The following DUSP19 variants were observed in gnomAD, a reference collection of about 807,000 sequenced individuals.
DUSP19 encodes dual specificity phosphatase 19, also known as dual specificity protein phosphatase 19.
DUSP19 carries 14 observed loss-of-function variants against 16.6 expected under a neutral mutation model. The observed-to-expected ratio is 0.84, with a 90% CI of 0.56 to 1.32. DUSP19 has a LOEUF of 1.32. Ranked by LOEUF, DUSP19 falls within the 40% of genes most tolerant of loss-of-function variation. The pLI is 0.00. For synonymous variants in DUSP19, 81 were observed against 90.5 expected (o/e 0.90, Z 0.59); for missense variants, 258 against 255.9 (o/e 1.01, Z -0.06).
At chr2:183,091,951 A>T (rs1699737040) in intron 3 of DUSP19, among the ~76,000 whole-genome samples, 1 of 152,192 alleles carries the variant, frequency 6.6e-6, no homozygotes, top group Non-Finnish European at 1.5e-5. Flanking sequence ...TCATATTTAC[A>T]TTCCCCTCTA....
intron 1 of DUSP19, among the ~76,000 whole-genome samples, chr2:183,081,383 T>C (rs1699590374): frequency 6.6e-6 from 1 of 152,178 alleles, no homozygotes; most frequent in Admixed American, 6.5e-5. Flanking sequence ...TAGCTGGGAA[T>C]ACAGGTGCAC....
chr2:183,079,027 A>G lies in DUSP19; in HGVS notation c.94A>G (p.Ile32Val). 3 of 1,614,220 alleles carry G rather than the reference A, an allele frequency of 1.9e-6. No homozygotes were observed. Among genetic ancestry groups the G allele is most frequent in the Non-Finnish European group, 1.7e-6 (2 of 1,180,048 alleles). ...GACAACGCTAACTGGAAAGAAAATT[A>G]TAGAAACATGGAAAGATGCCAGAAT... ...RVTTLTGKKIIETWKDARIHV... is the reference protein window; with the variant it reads ...RVTTLTGKKIVETWKDARIHV... The change falls in exon 1 of 4, where the codon ATA becomes GTA. Residue 32 changes from isoleucine to valine, a missense_variant. Transcript: ENST00000354221.
intron 3 of DUSP19, among the ~76,000 whole-genome samples, chr2:183,089,177 C>T (rs1383445079): frequency 6.6e-6 from 1 of 152,048 alleles, no homozygotes; most frequent in Non-Finnish European, 1.5e-5. Flanking sequence ...GTGAGAGTGG[C>T]AAGAAAGGAA....
At chr2:183,081,974 G>A (rs1456466176) in intron 1 of DUSP19, among the ~76,000 whole-genome samples, 2 of 152,042 alleles carry the variant, frequency 1.3e-5, no homozygotes, top group Non-Finnish European at 1.5e-5. Context: ...ACTTTATTTT[G>A]ACTAGTTATT....
rs1237372730 is a variant in DUSP19, at chr2:183,097,044, G to A, written c.*1386G>A. The A allele has an allele frequency of 4.7e-5, 6 of 126,320 alleles. No homozygotes were observed. Among genetic ancestry groups the A allele is most frequent in the African/African-American group, 1.5e-4 (5 of 32,992 alleles). 7.8% of individuals were successfully genotyped at this position (126,320 alleles called of 1,614,324 possible). A position where few individuals can be genotyped will look rare whatever the true frequency, so the allele number is the denominator to read the frequency against. On this transcript the variant is annotated 3_prime_UTR_variant, in exon 4 of 4. Coordinates refer to ENST00000354221, the MANE Select transcript of DUSP19 (RefSeq NM_080876.4). Reference sequence around the variant, plus strand: ...TTTTCTTTTCTTTTTTTTTTTTTTCGAGACAGGGTCTTGCTCTGTCACCTA... The same window carrying A: ...TTTTCTTTTCTTTTTTTTTTTTTTCAAGACAGGGTCTTGCTCTGTCACCTA...
chr2:183,098,279 G>T lies in DUSP19; in HGVS notation c.*2621G>T, dbSNP rs1699830267. The T allele has an allele frequency of 6.6e-6, 1 of 152,028 alleles. No homozygotes were observed. The highest frequency in any genetic ancestry group is 2.4e-5 in the African/African-American group (1 of 41,360). 9.4% of individuals were successfully genotyped at this position (152,028 alleles called of 1,614,324 possible). On this transcript the variant is annotated 3_prime_UTR_variant, in exon 4 of 4. Coordinates refer to ENST00000354221, the MANE Select transcript of DUSP19 (RefSeq NM_080876.4). ...GGTAAGATTCAAACATTTATCTTTT[G>T]TATCTTCTACAGAAGTGCTTTGAGC...
intron 3 of DUSP19, among the ~76,000 whole-genome samples, chr2:183,088,813 G>T (rs1467313849): frequency 6.6e-6 from 1 of 152,176 alleles, no homozygotes; most frequent in Non-Finnish European, 1.5e-5. Flanking sequence ...ACATTCCAGT[G>T]TGTGAGTTAA....
intron 1 of DUSP19, among the ~76,000 whole-genome samples, chr2:183,080,718 G>C (rs1177345277): frequency 2.6e-5 from 4 of 152,128 alleles, no homozygotes; most frequent in Non-Finnish European, 5.9e-5. Flanking sequence ...CTGAGATTGG[G>C]GTTGGAAACC....
At position 183,091,099 on chromosome 2, in the gene DUSP19, G is replaced by A. The variant is rs75182932; in HGVS notation, c.426+3907G>A. 2.4e-3 allele frequency among the ~76,000 whole-genome samples: 369 copies of A among 152,244 alleles called. 3 individuals carry two copies. The highest frequency in any genetic ancestry group is 8.5e-3 in the African/African-American group (353 of 41,536). On this transcript the variant is annotated intron_variant, in intron 3 of 3. Coordinates refer to ENST00000354221, the MANE Select transcript of DUSP19 (RefSeq NM_080876.4). ...TCAAATCATTTAAAATTTTTGCACAGTATTCTGGTAGTTGGTGATTCTATA... is the reference window on the plus strand; with the variant it reads ...TCAAATCATTTAAAATTTTTGCACAATATTCTGGTAGTTGGTGATTCTATA...
Position 183,096,199 on chromosome 2 carries a change from C to T in DUSP19, c.*541C>T, listed in dbSNP as rs1415915164. 6.6e-6 allele frequency: 1 copy of T among 151,042 alleles called. No individual in the cohort carries two copies. Among genetic ancestry groups the T allele is most frequent in the Non-Finnish European group, 1.5e-5 (1 of 67,802 alleles). 9.4% of individuals were successfully genotyped at this position (151,042 alleles called of 1,614,324 possible). On this transcript the variant is annotated 3_prime_UTR_variant, in exon 4 of 4. Coordinates refer to ENST00000354221, the MANE Select transcript of DUSP19 (RefSeq NM_080876.4). ...ACAATATTCACAAAATTCTTATGTT[C>T]TCTTATGAAAAATATACACTTTTCA...
intron 1 of DUSP19, 57 bp from the exon 2 acceptor site, chr2:183,083,451 A>G: frequency 3.4e-6 from 5 of 1,467,656 alleles, no homozygotes; most frequent in Middle Eastern, 1.8e-4. Flanking sequence ...AGAAATTTAT[A>G]TAAAAGTTCA....
At chr2:183,092,637 T>A (rs1699746950) in intron 3 of DUSP19, among the ~76,000 whole-genome samples, 1 of 152,004 alleles carries the variant, frequency 6.6e-6, no homozygotes, top group South Asian at 2.1e-4. Context: ...ATACAGACTA[T>A]CATTGATTGG....
chr2:183,082,484 CACG>C (rs1438063259), intron 1 of DUSP19, among the ~76,000 whole-genome samples: 2 of 133,538 alleles, frequency 1.5e-5, no homozygotes, highest in Non-Finnish European at 3.0e-5. Flanking sequence ...AGTGCAGTGG[CACG>C]ATCTTGGCTC....
intron 3 of DUSP19, among the ~76,000 whole-genome samples, chr2:183,091,657 C>T (rs1329705584): frequency 1.3e-5 from 2 of 152,206 alleles, no homozygotes; most frequent in African/African-American, 4.8e-5. Flanking sequence ...GGTGAAGTTA[C>T]AAAGTTATAC....
chr2:183,079,187 A>C, intron 1 of DUSP19, 28 bp downstream of exon 1: 1 of 1,594,300 alleles, frequency 6.3e-7, no homozygotes, highest in Non-Finnish European at 8.6e-7. Flanking sequence ...CCACTAGATC[A>C]TTGAGTCCTT....
In DUSP19 at chr2:183,090,016, C is replaced by CAT. The variant is rs752062667; in HGVS notation, c.426+2825_426+2826insTA. ...CTCAAATGCCTGACGTCAAGTGATC[C>CAT]ACCTGCCTCAGCCTCCCAAAGTGCT... On this transcript the variant is annotated intron_variant, in intron 3 of 3. Coordinates refer to ENST00000354221, the MANE Select transcript of DUSP19 (RefSeq NM_080876.4). 2.0e-5 allele frequency among the ~76,000 whole-genome samples: 3 copies of CAT among 152,314 alleles called. No homozygotes were observed. In the East Asian group the frequency reaches 5.8e-4, roughly 29 times the overall value.
intron 3 of DUSP19, among the ~76,000 whole-genome samples, chr2:183,094,526 A>G (rs182407601): frequency 6.6e-6 from 1 of 152,184 alleles, no homozygotes; most frequent in Non-Finnish European, 1.5e-5. Flanking sequence ...AAGCTGTATC[A>G]ATGCTGTCCC....
At chr2:183,093,139 G>T (rs903541190) in intron 3 of DUSP19, among the ~76,000 whole-genome samples, 2 of 152,146 alleles carry the variant, frequency 1.3e-5, no homozygotes, top group Non-Finnish European at 2.9e-5. Flanking sequence ...TTGAAATCTA[G>T]TTGAAAACTA....
chr2:183,083,460 C>A, intron 1 of DUSP19, 48 bp from the exon 2 acceptor site: 1 of 1,487,868 alleles, frequency 6.7e-7, no homozygotes. Context: ...TATAAAAGTT[C>A]AAGATGATTA....
Sources: allele counts gnomAD v4.1 joint callset (sites outside exome capture counted in the v4.1 genomes callset), GRCh38; gene constraint gnomAD v4.1.1; transcripts MANE v1.5; gene names NCBI Gene and HGNC (gene_info 2026-07-23, HGNC 2026-07-21).